Variants in CDH4 observed in about 807,000 individuals in gnomAD.
The protein encoded by CDH4 is cadherin 4.
Under a neutral mutation model 86.0 loss-of-function variants are expected in CDH4, and 33 were observed. That is an observed-to-expected ratio of 0.38 (90% CI 0.29 to 0.51). The LOEUF is 0.51. Among genes scored for constraint, CDH4 ranks in the 20% least tolerant of loss-of-function variants. The pLI is 0.86. For synonymous variants in CDH4, 555 were observed against 549.4 expected (o/e 1.01, Z -0.14); for missense variants, 1,114 against 1,307.4 (o/e 0.85, Z 2.28).
At chr20:61,857,899 C>G (rs1983094781) in intron 6 of CDH4, among the ~76,000 whole-genome samples, 1 of 151,408 alleles carries the variant, frequency 6.6e-6, no homozygotes, top group Non-Finnish European at 1.5e-5. Context: ...GTGTGTGTGT[C>G]TCTGTGTGCA....
At chr20:61,730,949 C>T (rs904663155) in intron 2 of CDH4, among the ~76,000 whole-genome samples, 2 of 146,860 alleles carry the variant, frequency 1.4e-5, no homozygotes, top group Non-Finnish European at 3.1e-5. Context: ...GGCTCCGGCT[C>T]CCACGTGGAA....
intron 4 of CDH4, among the ~76,000 whole-genome samples, chr20:61,840,021 A>G (rs146350417): frequency 2.0e-5 from 3 of 152,198 alleles, no homozygotes; most frequent in African/African-American, 7.2e-5. Flanking sequence ...TCTGACCCTG[A>G]CTTTCTCCAA....
At chr20:61,564,633 A>G (rs988860571) in intron 2 of CDH4, among the ~76,000 whole-genome samples, 7 of 152,244 alleles carry the variant, frequency 4.6e-5, no homozygotes, top group Admixed American at 3.3e-4. Context: ...TACAGCCTGC[A>G]GAACCACAAG....
intron 6 of CDH4, among the ~76,000 whole-genome samples, chr20:61,857,038 A>T (rs1021867303): frequency 1.5e-4 from 23 of 152,230 alleles, no homozygotes; most frequent in African/African-American, 5.5e-4. Flanking sequence ...GCAGCTGGAC[A>T]GCCCTGGGGG....
intron 2 of CDH4, among the ~76,000 whole-genome samples, chr20:61,705,773 T>G (rs185290998): frequency 1.3e-5 from 2 of 152,232 alleles, no homozygotes; most frequent in African/African-American, 4.8e-5. Flanking sequence ...GTTTTAAATG[T>G]GGTGGATGCC....
intron 2 of CDH4, among the ~76,000 whole-genome samples, chr20:61,649,480 T>C (rs1412954869): frequency 6.6e-6 from 1 of 152,218 alleles, no homozygotes; most frequent in Non-Finnish European, 1.5e-5. Flanking sequence ...CTGGAAGTTG[T>C]ACATCCAGGT....
At chr20:61,859,812 G>A (rs375534462) in intron 6 of CDH4, among the ~76,000 whole-genome samples, 1 of 152,272 alleles carries the variant, frequency 6.6e-6, no homozygotes, top group East Asian at 1.9e-4. Flanking sequence ...TGGAGGGATG[G>A]CTTCGTGGAC....
chr20:61,719,990 A>G (rs566189726), intron 2 of CDH4, among the ~76,000 whole-genome samples: 1 of 152,184 alleles, frequency 6.6e-6, no homozygotes, highest in African/African-American at 2.4e-5. Flanking sequence ...ACTTTGCACC[A>G]TGCTCATGGG....
chr20:61,299,961 GA>G (rs1196515247), intron 2 of CDH4, among the ~76,000 whole-genome samples: 7 of 152,240 alleles, frequency 4.6e-5, no homozygotes, highest in African/African-American at 1.7e-4. Flanking sequence ...ATGATGTGTA[GA>G]GGGGGGACCA....
chr20:61,731,157 TC>T (rs559883410), intron 2 of CDH4, among the ~76,000 whole-genome samples: 3 of 151,066 alleles, frequency 2.0e-5, no homozygotes, highest in Non-Finnish European at 4.4e-5. Context: ...GGCGTCCGAG[TC>T]CCCCCCTCAG....
intron 2 of CDH4, among the ~76,000 whole-genome samples, chr20:61,533,651 A>G (rs1164585908): frequency 6.6e-6 from 1 of 152,216 alleles, no homozygotes; most frequent in Non-Finnish European, 1.5e-5. Context: ...TACAGGGGCC[A>G]TTAGCACTGC....
At chr20:61,353,371 A>G (rs2084724586) in intron 2 of CDH4, among the ~76,000 whole-genome samples, 1 of 151,938 alleles carries the variant, frequency 6.6e-6, no homozygotes, top group Non-Finnish European at 1.5e-5. Flanking sequence ...TAATTTAGCA[A>G]TCTCCAGCGA....
intron 2 of CDH4, among the ~76,000 whole-genome samples, chr20:61,691,002 C>T (rs1352922269): frequency 3.9e-5 from 6 of 152,184 alleles, no homozygotes; most frequent in South Asian, 2.1e-4. Flanking sequence ...CTTCCTGGGT[C>T]GAGATGAACT....
At chr20:61,645,645 A>AC (rs398039586) in intron 2 of CDH4, among the ~76,000 whole-genome samples, 2 of 144,874 alleles carry the variant, frequency 1.4e-5, no homozygotes, top group African/African-American at 5.2e-5. Context: ...AAAAAAAAAA[A>AC]TTAACTGCTA....
intron 2 of CDH4, among the ~76,000 whole-genome samples, chr20:61,482,249 A>G (rs558363470): frequency 6.6e-6 from 1 of 152,352 alleles, no homozygotes; most frequent in African/African-American, 2.4e-5. Flanking sequence ...GGATCCTGGC[A>G]TGAATTCCTG....
intron 2 of CDH4, among the ~76,000 whole-genome samples, chr20:61,644,660 C>T (rs1363319072): frequency 6.6e-6 from 1 of 152,226 alleles, no homozygotes; most frequent in African/African-American, 2.4e-5. Flanking sequence ...ACAACCAGGG[C>T]AAAGCCAGGG....
At chr20:61,867,548 C>CAA (rs3079324) in intron 6 of CDH4, among the ~76,000 whole-genome samples, 10,317 of 87,618 alleles carry the variant, frequency 0.12, 507 homozygotes, top group East Asian at 0.25. Context: ...AGACTCCATC[C>CAA]AAAAAAAAAA....
intron 2 of CDH4, among the ~76,000 whole-genome samples, chr20:61,326,858 T>C (rs916312137): frequency 6.6e-5 from 10 of 152,210 alleles, no homozygotes; most frequent in Admixed American, 2.0e-4. Context: ...CGACTTCTCA[T>C]CTCAGTAATC....
At chr20:61,311,134 G>C (rs1348181111) in intron 2 of CDH4, among the ~76,000 whole-genome samples, 4 of 152,148 alleles carry the variant, frequency 2.6e-5, no homozygotes, top group Non-Finnish European at 5.9e-5. Flanking sequence ...TTCTGGGTGA[G>C]ATGGGTAGTT....
Sources: allele counts gnomAD v4.1 joint callset (sites outside exome capture counted in the v4.1 genomes callset), GRCh38; gene constraint gnomAD v4.1.1; transcripts MANE v1.5; gene names NCBI Gene and HGNC (gene_info 2026-07-23, HGNC 2026-07-21).